Variants in SPAG16 observed in about 807,000 individuals in gnomAD.
SPAG16 encodes sperm associated antigen 16.
A neutral mutation model predicts 80.4 loss-of-function variants in SPAG16; 86 were observed. The observed-to-expected ratio is 1.07, with a 90% confidence interval of 0.90 to 1.28. The LOEUF is 1.28. Among genes scored for constraint, SPAG16 ranks in the 50% most tolerant of loss-of-function variants. The pLI is 0.00. For missense variants in SPAG16, 870 were observed against 765.3 expected (o/e 1.14, Z -1.61); for synonymous variants, 294 against 265.9 (o/e 1.11, Z -1.03).
intron 15 of SPAG16, among the ~76,000 whole-genome samples, chr2:214,319,312 T>C (rs759047862): frequency 4.8e-4 from 73 of 152,052 alleles, no homozygotes; most frequent in Non-Finnish European, 4.4e-4. Flanking sequence ...GTAGTCTATA[T>C]AATGCACTAA....
intron 13 of SPAG16, among the ~76,000 whole-genome samples, chr2:214,082,797 C>G (rs952533501): frequency 1.1e-4 from 17 of 152,166 alleles, no homozygotes; most frequent in Admixed American, 4.6e-4. Context: ...ACAGATTCAA[C>G]CTTTATGATA....
intron 13 of SPAG16, among the ~76,000 whole-genome samples, chr2:214,090,203 G>C (rs781220518): frequency 1.7e-4 from 26 of 151,746 alleles, no homozygotes; most frequent in Non-Finnish European, 3.4e-4. Context: ...GAAAGAAGTG[G>C]AAGAGGAAGA....
intron 10 of SPAG16, among the ~76,000 whole-genome samples, chr2:213,579,678 T>C (rs1326748648): frequency 6.6e-6 from 1 of 152,168 alleles, no homozygotes; most frequent in Non-Finnish European, 1.5e-5. Context: ...ATAATCAATT[T>C]CGATGTCCCT....
rs1446726656 is a variant in SPAG16 at position 214,355,335 on chromosome 2, AAAC to A, written c.1721-54801_1721-54799del. Among the ~76,000 whole-genome samples, 730 of 132,906 alleles carry A rather than the reference AAAC, an allele frequency of 5.5e-3. 3 individuals are homozygous for A. The highest frequency in any genetic ancestry group is 0.018 in the African/African-American group (708 of 39,350). 87.2% of individuals were successfully genotyped at this position (132,906 alleles called of 152,430 possible). ...CAAACAAATTTACAAGAAAAAAAAA[AAAC>A]AACCCCATCAAAAAGTGGGCGAAGG... On this transcript the variant is annotated intron_variant, in intron 15 of 15. Transcript: ENST00000331683.
At chr2:214,397,752 C>T (rs1487991957) in intron 15 of SPAG16, among the ~76,000 whole-genome samples, 2 of 152,174 alleles carry the variant, frequency 1.3e-5, no homozygotes, top group African/African-American at 4.8e-5. Flanking sequence ...AGGTAAAGCA[C>T]AGTTTTCAAG....
intron 10 of SPAG16, among the ~76,000 whole-genome samples, chr2:213,847,772 C>T (rs987887314): frequency 3.3e-5 from 5 of 152,130 alleles, no homozygotes; most frequent in African/African-American, 1.2e-4. Context: ...GAGAGAAACA[C>T]TACAGCAAAC....
intron 13 of SPAG16, among the ~76,000 whole-genome samples, chr2:214,094,125 T>C (rs996908914): frequency 1.3e-5 from 2 of 152,010 alleles, no homozygotes; most frequent in African/African-American, 4.8e-5. Flanking sequence ...CAAATCAGAG[T>C]TCAGTGACAT....
At position 213,350,660 on chromosome 2, in the gene SPAG16, A is replaced by AGGT; in HGVS notation, c.762+15_762+16insGGT. ...TAGTTGGGCAGGTAAAGATATAGTCAAAGCTAACTTAAAATGATCTTTTAA... is the reference window on the plus strand; with the variant it reads ...TAGTTGGGCAGGTAAAGATATAGTCAGGTAAGCTAACTTAAAATGATCTTTTAA... On this transcript the variant is annotated intron_variant, in intron 7 of 15. Coordinates refer to ENST00000331683, the MANE Select transcript of SPAG16 (RefSeq NM_024532.5). 7.2e-7 allele frequency: 1 copy of AGGT among 1,383,132 alleles called. No homozygotes were observed. The highest frequency in any genetic ancestry group is 9.9e-7 in the Non-Finnish European group (1 of 1,008,510). The allele number at this position is 1,383,132 out of a possible 1,614,324, so 85.7% of individuals were successfully genotyped here.
chr2:213,946,105 G>A (rs548711436), intron 12 of SPAG16, among the ~76,000 whole-genome samples: 4 of 152,042 alleles, frequency 2.6e-5, no homozygotes, highest in African/African-American at 4.8e-5. Context: ...ATTTTTATAC[G>A]TAGATTGTTG....
chr2:213,613,887 A>C (rs1402919580), intron 10 of SPAG16, among the ~76,000 whole-genome samples: 3 of 152,246 alleles, frequency 2.0e-5, no homozygotes, highest in Admixed American at 2.0e-4. Context: ...TAGTGAATAT[A>C]AACTAAGAAT....
chr2:213,650,132 T>C (rs1332860439), intron 10 of SPAG16, among the ~76,000 whole-genome samples: 1 of 152,174 alleles, frequency 6.6e-6, no homozygotes, highest in Non-Finnish European at 1.5e-5. Flanking sequence ...ACTTCTGCCC[T>C]CAAAATCCTC....
chr2:213,468,463 CTATG>C (rs2072849647), intron 9 of SPAG16, among the ~76,000 whole-genome samples: 1 of 111,422 alleles, frequency 9.0e-6, no homozygotes, highest in Non-Finnish European at 1.7e-5. Flanking sequence ...ATATATATCT[CTATG>C]TATTTATATA....
chr2:214,393,460 A>AGTAT lies in SPAG16; in HGVS notation c.1721-16676_1721-16673dup, dbSNP rs566528962. ...ACATAAAAGGCAAGATATTTATTTA[A>AGTAT]GTATGTACTCAATGGAAATTAGTAT... On this transcript the variant is annotated intron_variant, in intron 15 of 15. Coordinates refer to ENST00000331683, the MANE Select transcript of SPAG16 (RefSeq NM_024532.5). Among the ~76,000 whole-genome samples, 413 of 152,250 alleles carry AGTAT rather than the reference A, an allele frequency of 2.7e-3. 13 individuals are homozygous for AGTAT. The highest frequency in any genetic ancestry group is 0.027 in the Admixed American group (410 of 15,284).
chr2:214,303,293 G>C (rs1376333543), intron 15 of SPAG16, among the ~76,000 whole-genome samples: 1 of 152,114 alleles, frequency 6.6e-6, no homozygotes. Context: ...GGACTCCTTT[G>C]AGCTTTTCTT....
At chr2:213,673,333 A>G (rs2063897361) in intron 10 of SPAG16, among the ~76,000 whole-genome samples, 1 of 152,184 alleles carries the variant, frequency 6.6e-6, no homozygotes, top group East Asian at 1.9e-4. Flanking sequence ...CAAACATAAT[A>G]TAGTCATTAT....
chr2:214,404,664 G>A (rs988539330), intron 15 of SPAG16, among the ~76,000 whole-genome samples: 1 of 152,038 alleles, frequency 6.6e-6, no homozygotes, highest in South Asian at 2.1e-4. Context: ...GGCTGGGTTG[G>A]ATTATAGAAA....
chr2:213,720,778 C>A (rs989467249), intron 10 of SPAG16, among the ~76,000 whole-genome samples: 8 of 119,878 alleles, frequency 6.7e-5, no homozygotes, highest in Non-Finnish European at 1.1e-4. Flanking sequence ...TGGAGTCTCG[C>A]TCTTTCCACC....
chr2:213,973,289 T>G (rs12467458), intron 12 of SPAG16, among the ~76,000 whole-genome samples: 23,827 of 151,936 alleles, frequency 0.16, 2,281 homozygotes, highest in African/African-American at 0.28. Flanking sequence ...GGCAGTCAGT[T>G]GTGTGTCTTA....
chr2:213,662,796 T>C (rs2063472949), intron 10 of SPAG16, among the ~76,000 whole-genome samples: 1 of 152,096 alleles, frequency 6.6e-6, no homozygotes, highest in Non-Finnish European at 1.5e-5. Flanking sequence ...CAAAAAATTA[T>C]GACAGATTAT....
Sources: gnomAD v4.1 joint callset for allele counts (sites outside exome capture counted in the v4.1 genomes callset) on GRCh38, gnomAD v4.1.1 for gene constraint, MANE v1.5 for transcripts, NCBI Gene and HGNC (gene_info 2026-07-23, HGNC 2026-07-21) for gene names.